ZNF233: variants seen among roughly 807,000 people sequenced by gnomAD.
The protein encoded by ZNF233 is zinc finger protein 233.
Under a neutral mutation model 11.6 loss-of-function variants are expected in ZNF233, and 7 were observed. The ratio of observed to expected loss-of-function variants is 0.60; its 90% confidence interval spans 0.34 to 1.13. ZNF233 has a LOEUF of 1.13. Among genes scored for constraint, ZNF233 ranks in the 50% most tolerant of loss-of-function variants. ZNF233 has a pLI of 0.03. For synonymous variants in ZNF233, 226 were observed against 268.5 expected (o/e 0.84, Z 1.55); for missense variants, 711 against 785.5 (o/e 0.91, Z 1.13).
chr19:44,273,619 G>A lies in ZNF233; in HGVS notation c.959G>A (p.Gly320Asp), dbSNP rs1260972430. The stretch of plus-strand genomic sequence containing the variant: ...AAATGCTATAGGAATGGTGACAGTG[G>A]TGAGGGCTTCAGTCAGGGCTCACAT... ...GEKCYRNGDS[G>D]EGFSQGSHLQ... The change falls in exon 5 of 5, where the codon GGT becomes GAT. Residue 320 changes from glycine to aspartate, a missense_variant. Physicochemically the swap from Gly to Asp is moderately conservative, Grantham distance 94. Transcript: ENST00000683810. 6 of 1,614,068 alleles carry A rather than the reference G, an allele frequency of 3.7e-6. No homozygotes were observed. Among genetic ancestry groups the A allele is most frequent in the South Asian group, 2.2e-5 (2 of 91,086 alleles).
At chr19:44,269,486 G>A (rs1159231754) in intron 4 of ZNF233, among the ~76,000 whole-genome samples, 1 of 151,876 alleles carries the variant, frequency 6.6e-6, no homozygotes, top group Non-Finnish European at 1.5e-5. Flanking sequence ...AGTAGAGATG[G>A]GGTTTCACCA....
At position 44,275,053 on chromosome 19, in the gene ZNF233, T is replaced by C. The variant is rs1297707506; in HGVS notation, c.*380T>C. 1.2e-5 allele frequency: 5 copies of C among 406,530 alleles called. No homozygotes were observed. Among genetic ancestry groups the C allele is most frequent in the Non-Finnish European group, 2.2e-5 (5 of 230,138 alleles). 25.2% of individuals were successfully genotyped at this position (406,530 alleles called of 1,614,324 possible). On this transcript the variant is annotated 3_prime_UTR_variant, in exon 5 of 5. Coordinates refer to ENST00000683810, the MANE Select transcript of ZNF233 (RefSeq NM_001207005.2). ...GTATAATGAGGGACATGACAAAATC[T>C]GTGTCCACTAGAATCTAAGCTCCAT...
chr19:44,270,846 G>T (rs1316558158), intron 4 of ZNF233, among the ~76,000 whole-genome samples: 3 of 152,198 alleles, frequency 2.0e-5, no homozygotes, highest in Non-Finnish European at 4.4e-5. Context: ...GAGAGTGGAA[G>T]ATAGAAGCCA....
intron 4 of ZNF233, among the ~76,000 whole-genome samples, chr19:44,272,169 A>G (rs1017452782): frequency 2.0e-5 from 3 of 151,124 alleles, no homozygotes; most frequent in Non-Finnish European, 4.4e-5. Context: ...TGGAGGTTTC[A>G]GTAAGCCAAG....
intron 4 of ZNF233, among the ~76,000 whole-genome samples, chr19:44,270,346 TAAAAAA>T (rs398034740): frequency 2.5e-4 from 18 of 72,730 alleles, no homozygotes; most frequent in Admixed American, 5.1e-4. Flanking sequence ...CCATCTATAC[TAAAAAA>T]AAAAAAAAAA....
chr19:44,260,844 A>T (rs1036550133), intron 1 of ZNF233, among the ~76,000 whole-genome samples: 2 of 152,232 alleles, frequency 1.3e-5, no homozygotes, highest in African/African-American at 4.8e-5. Flanking sequence ...AAATGCTCAA[A>T]TATTTATGGA....
chr19:44,270,516 C>T (rs570159548), intron 4 of ZNF233, among the ~76,000 whole-genome samples: 29 of 152,156 alleles, frequency 1.9e-4, no homozygotes, highest in African/African-American at 7.0e-4. Context: ...AGCGGAACTT[C>T]GTCTCAAAAC....
At position 44,264,385 on chromosome 19, in the gene ZNF233, G is replaced by A; in HGVS notation, c.15+10G>A. ...AATGACCAAGTTTCAGGTGAGTTGA[G>A]TTTTGATTTTTATCTCTTAAAATGA... On this transcript the variant is annotated intron_variant, in intron 2 of 4. Coordinates refer to ENST00000683810, the MANE Select transcript of ZNF233 (RefSeq NM_001207005.2). 6.2e-7 allele frequency: 1 copy of A among 1,611,542 alleles called. No homozygotes were observed. The highest frequency in any genetic ancestry group is 1.1e-5 in the South Asian group (1 of 90,586).
rs779683597 is a variant in ZNF233, at chr19:44,274,117, A to T, written c.1457A>T (p.Asp486Val). Reference protein sequence around the residue: ...GEKPYKCDVCDKNFSRNSHLQ... With the variant: ...GEKPYKCDVCVKNFSRNSHLQ... The stretch of plus-strand genomic sequence containing the variant: ...AAACCCTACAAATGTGATGTGTGTG[A>T]TAAGAACTTCAGCCGTAATTCCCAC... The change falls in exon 5 of 5, where the codon GAT (aspartate) becomes GTT (valine). Residue 486 changes from aspartate to valine, a missense_variant. By Grantham distance (152) the Asp-to-Val change is radical (BLOSUM62 -3). Coordinates refer to ENST00000683810, the MANE Select transcript of ZNF233 (RefSeq NM_001207005.2). The T allele has an allele frequency of 6.2e-7, 1 of 1,611,900 alleles. No individual in the cohort carries two copies. Among genetic ancestry groups the T allele is most frequent in the Non-Finnish European group, 8.5e-7 (1 of 1,179,332 alleles).
chr19:44,263,356 A>C (rs924791507), intron 1 of ZNF233, among the ~76,000 whole-genome samples: 1 of 152,056 alleles, frequency 6.6e-6, no homozygotes, highest in Non-Finnish European at 1.5e-5. Flanking sequence ...GGCAACTATT[A>C]CTTTTTGTCT....
At chr19:44,267,322 CTG>C (rs1975117530) in intron 4 of ZNF233, 1 of 398,508 alleles carries the variant, frequency 2.5e-6, no homozygotes, top group Non-Finnish European at 4.4e-6. Flanking sequence ...CACAAGACTG[CTG>C]TGTGTTTCTT....
In ZNF233 at chr19:44,274,473, T is replaced by C; in HGVS notation, c.1813T>C (p.Ser605Pro). Reference sequence around the variant, plus strand: ...ATGTAGGAAAGGCTTCATCTGGAACTCATATCTTCATGTTCATCAGAGGAT... The same window carrying C: ...ATGTAGGAAAGGCTTCATCTGGAACCCATATCTTCATGTTCATCAGAGGAT... ...EECRKGFIWN[S>P]YLHVHQRIHT... The change falls in exon 5 of 5, where the codon TCA becomes CCA. Residue 605 changes from serine (S) to proline (P), a missense_variant. Transcript: ENST00000683810. The C allele has an allele frequency of 6.2e-7, 1 of 1,614,106 alleles. No individual in the cohort carries two copies.
chr19:44,269,502 GC>G (rs990113820), intron 4 of ZNF233, among the ~76,000 whole-genome samples: 90 of 152,124 alleles, frequency 5.9e-4, no homozygotes, highest in African/African-American at 2.0e-3. Context: ...CACCATGTTG[GC>G]CAGGATGGTC....
At chr19:44,271,914 A>T (rs548106860) in intron 4 of ZNF233, among the ~76,000 whole-genome samples, 48 of 151,926 alleles carry the variant, frequency 3.2e-4, no homozygotes, top group South Asian at 6.2e-4. Flanking sequence ...TAGCCTGTGT[A>T]TTTGACCACA....
chr19:44,273,332 T>C lies in ZNF233; in HGVS notation c.672T>C (p.Asp224=). 2 of 1,614,114 alleles carry C rather than the reference T, an allele frequency of 1.2e-6. No homozygotes were observed. Among genetic ancestry groups the C allele is most frequent in the Non-Finnish European group, 1.7e-6 (2 of 1,180,024 alleles). Residue 224 remains aspartate (D), a synonymous_variant, in exon 5 of 5, where the codon GAT becomes GAC. Transcript: ENST00000683810. ...VRQRIAHQHD[D]HGVHKREKAF... is the part of the protein sequence containing the mutation. The stretch of plus-strand genomic sequence containing the variant: ...AAAGAATTGCTCATCAACATGATGA[T>C]CATGGAGTACACAAAAGAGAGAAAG...
rs761452350 is a variant in ZNF233 at position 44,274,615 on chromosome 19, T to G, written c.1955T>G (p.Val652Gly). 17 of 1,609,622 alleles carry G rather than the reference T, an allele frequency of 1.1e-5. No homozygotes were observed. The highest frequency in any genetic ancestry group is 1.4e-5 in the Non-Finnish European group (17 of 1,179,490). The change falls in exon 5 of 5, where the codon GTG (valine) becomes GGG (glycine). Residue 652 changes from valine (V) to glycine (G), a missense_variant. Transcript: ENST00000683810. ...GGAGAGAAACCATACAAATGTTTTG[T>G]GTGTGGTAAGGGCTTTAGTAAGAGT... Reference protein sequence around the residue: ...HTGEKPYKCFVCGKGFSKSSL... With the variant: ...HTGEKPYKCFGCGKGFSKSSL...
In ZNF233 at chr19:44,273,421, A is replaced by C. The variant is rs756434547; in HGVS notation, c.761A>C (p.Gln254Pro). 1.2e-6 allele frequency: 2 copies of C among 1,614,238 alleles called. No individual in the cohort carries two copies. The highest frequency in any genetic ancestry group is 8.5e-7 in the Non-Finnish European group (1 of 1,180,042). ...VKESSQHSII[Q>P]SGEQTSDENG... Reference sequence around the variant, plus strand: ...GAATCATCCCAGCATAGCATAATCCAATCAGGAGAGCAAACCTCTGATGAA... The same window carrying C: ...GAATCATCCCAGCATAGCATAATCCCATCAGGAGAGCAAACCTCTGATGAA... The change falls in exon 5 of 5, where the codon CAA (glutamine) becomes CCA (proline). Residue 254 changes from glutamine to proline, a missense_variant. Gln to Pro is a moderately conservative substitution (Grantham distance 76). Coordinates refer to ENST00000683810, the MANE Select transcript of ZNF233 (RefSeq NM_001207005.2).
intron 2 of ZNF233, among the ~76,000 whole-genome samples, chr19:44,265,392 C>A (rs1461261179): frequency 6.6e-6 from 1 of 151,096 alleles, no homozygotes; most frequent in South Asian, 2.1e-4. Flanking sequence ...CACACACACA[C>A]ACACACACAC....
intron 2 of ZNF233, among the ~76,000 whole-genome samples, chr19:44,265,001 C>A (rs1975032523): frequency 6.6e-6 from 1 of 151,992 alleles, no homozygotes; most frequent in Admixed American, 6.6e-5. Flanking sequence ...GTTTTATATC[C>A]CACTTCGACA....
Sources: allele counts gnomAD v4.1 joint callset (sites outside exome capture counted in the v4.1 genomes callset), GRCh38; gene constraint gnomAD v4.1.1; transcripts MANE v1.5; gene names NCBI Gene and HGNC (gene_info 2026-07-23, HGNC 2026-07-21).